ANKRD11: variants seen among roughly 807,000 people sequenced by gnomAD.
ANKRD11 encodes ankyrin repeat domain-containing protein 11.
Under a neutral mutation model 195.7 loss-of-function variants are expected in ANKRD11, and 17 were observed. The observed-to-expected ratio is 0.09, with a 90% CI of 0.06 to 0.13. The LOEUF (loss-of-function observed/expected upper bound fraction) is 0.13. Among genes scored for constraint, ANKRD11 ranks in the 10% least tolerant of loss-of-function variants. The probability of loss-of-function intolerance (pLI) is 1.00; values close to 1 mark genes in which losing one functional copy is unlikely to be tolerated. For synonymous variants in ANKRD11, 1,953 were observed against 1,528.1 expected (o/e 1.28, Z -6.49); for missense variants, 3,735 against 3,566.1 (o/e 1.05, Z -1.21).
intron 9 of ANKRD11, chr16:89,278,440 C>G (rs946571707): frequency 1.6e-5 from 7 of 438,038 alleles, no homozygotes; most frequent in South Asian, 9.8e-5. Flanking sequence ...CCAGACGTAG[C>G]GCAAGGAGCT....
chr16:89,270,197 C>T (rs2033013439), intron 12 of ANKRD11: 1 of 170,104 alleles, frequency 5.9e-6, no homozygotes, highest in African/African-American at 2.5e-5. Context: ...CAGCACCTTT[C>T]TGAGAGCTGC....
At chr16:89,355,284 C>T (rs1319512514) in intron 2 of ANKRD11, among the ~76,000 whole-genome samples, 2 of 151,374 alleles carry the variant, frequency 1.3e-5, no homozygotes, top group African/African-American at 2.4e-5. Flanking sequence ...GGCTCACACC[C>T]TGAGGCTCGG....
chr16:89,417,149 T>A (rs1044455373), intron 2 of ANKRD11, among the ~76,000 whole-genome samples: 2 of 152,226 alleles, frequency 1.3e-5, no homozygotes, highest in Non-Finnish European at 2.9e-5. Flanking sequence ...TTCAGTCATA[T>A]GAAAGAAAGC....
intron 2 of ANKRD11, among the ~76,000 whole-genome samples, chr16:89,362,767 G>C (rs143235816): frequency 6.6e-6 from 1 of 152,140 alleles, no homozygotes; most frequent in Non-Finnish European, 1.5e-5. Flanking sequence ...CAAGCATTAG[G>C]TCACGGCCTG....
At chr16:89,401,312 C>T (rs2041677050) in intron 2 of ANKRD11, among the ~76,000 whole-genome samples, 1 of 152,152 alleles carries the variant, frequency 6.6e-6, no homozygotes, top group Admixed American at 6.5e-5. Flanking sequence ...CTCCTGACCT[C>T]GTGATCCACC....
chr16:89,377,339 G>A (rs1327276378), intron 2 of ANKRD11, among the ~76,000 whole-genome samples: 1 of 152,154 alleles, frequency 6.6e-6, no homozygotes, highest in Non-Finnish European at 1.5e-5. Flanking sequence ...TTGTTATAGA[G>A]AAAGCCATGA....
chr16:89,422,370 T>A (rs189194719), intron 1 of ANKRD11: 98 of 151,922 alleles, frequency 6.5e-4, no homozygotes, highest in African/African-American at 2.1e-3. Flanking sequence ...AAAGCAATTT[T>A]AAAAAAAAGG....
intron 2 of ANKRD11, among the ~76,000 whole-genome samples, chr16:89,330,465 C>T (rs1010637187): frequency 1.3e-5 from 2 of 152,114 alleles, no homozygotes; most frequent in African/African-American, 4.8e-5. Flanking sequence ...TGCACAGACA[C>T]GGCTGCGGAT....
chr16:89,268,367 G>T lies in ANKRD11; in HGVS notation c.*111C>A. The T allele has an allele frequency of 1.8e-6, 1 of 544,776 alleles. No individual in the cohort carries two copies. The highest frequency in any genetic ancestry group is 3.2e-6 in the Non-Finnish European group (1 of 313,192). The allele number at this position is 544,776 out of a possible 1,614,324, so 33.7% of individuals were successfully genotyped here. ...GTGGCCAAGTGCAGTCTCTCTCGGGGTCTCTCCCCGCCCGGGTGGACAGGG... is the reference window on the plus strand; with the variant it reads ...GTGGCCAAGTGCAGTCTCTCTCGGGTTCTCTCCCCGCCCGGGTGGACAGGG... On this transcript the variant is annotated 3_prime_UTR_variant, in exon 13 of 13. Transcript: ENST00000301030.
chr16:89,281,923 T>G lies in ANKRD11; in HGVS notation c.4619A>C (p.Lys1540Thr), dbSNP rs145415643. ...LKEKFKDGAE[K>T]EKGDPVKMSN... Reference sequence around the variant, plus strand: ...CATCTTCACTGGGTCGCCCTTTTCTTTCTCTGCACCGTCCTTGAATTTCTC... The same window carrying G: ...CATCTTCACTGGGTCGCCCTTTTCTGTCTCTGCACCGTCCTTGAATTTCTC... The change falls in exon 9 of 13, where the codon AAA becomes ACA. Residue 1540 changes from lysine (K) to threonine (T), a missense_variant. Coordinates refer to ENST00000301030, the MANE Select transcript of ANKRD11 (RefSeq NM_013275.6). This position sits in a 1 kb window ranked among gnomAD's most constrained non-coding sequence, Gnocchi z 5.5. 1 of 1,613,320 alleles carries G rather than the reference T, an allele frequency of 6.2e-7. No individual in the cohort carries two copies. The highest frequency in any genetic ancestry group is 8.5e-7 in the Non-Finnish European group (1 of 1,180,042).
intron 2 of ANKRD11, among the ~76,000 whole-genome samples, chr16:89,388,984 G>A (rs2041053847): frequency 6.6e-6 from 1 of 152,202 alleles, no homozygotes; most frequent in Non-Finnish European, 1.5e-5. Context: ...CACATAATGA[G>A]GTAAAATTCA....
intron 2 of ANKRD11, among the ~76,000 whole-genome samples, chr16:89,377,202 G>C (rs1199674276): frequency 6.6e-6 from 1 of 152,260 alleles, no homozygotes; most frequent in South Asian, 2.1e-4. Context: ...TCAGCCTCTA[G>C]ATCGGGGTCA....
intron 2 of ANKRD11, among the ~76,000 whole-genome samples, chr16:89,367,057 G>C (rs2039978003): frequency 6.6e-6 from 1 of 152,156 alleles, no homozygotes; most frequent in Non-Finnish European, 1.5e-5. Flanking sequence ...CCTTCTGCTA[G>C]GACGACCTCT....
At chr16:89,309,118 G>A (rs529278483) in intron 3 of ANKRD11, among the ~76,000 whole-genome samples, 30 of 152,192 alleles carry the variant, frequency 2.0e-4, no homozygotes, top group Non-Finnish European at 3.8e-4. Context: ...GCCACCACAC[G>A]CCCAACCACA....
At chr16:89,452,141 C>T (rs2044105457) in intron 1 of ANKRD11, among the ~76,000 whole-genome samples, 1 of 152,142 alleles carries the variant, frequency 6.6e-6, no homozygotes, top group African/African-American at 2.4e-5. Flanking sequence ...GCCTATAATC[C>T]CAGCTACTCG....
intron 1 of ANKRD11, among the ~76,000 whole-genome samples, chr16:89,438,817 G>T (rs1406695218): frequency 6.6e-6 from 1 of 152,036 alleles, no homozygotes; most frequent in East Asian, 1.9e-4. Flanking sequence ...GCCAACCAGA[G>T]CAACATGTGA....
chr16:89,283,433 T>G lies in ANKRD11; in HGVS notation c.3109A>C (p.Lys1037Gln). The part of the protein sequence containing the change: ...RYKEKSSDKD[K>Q]SEKSILEKCQ... ...TTTTCCAGGATTGATTTCTCACTTT[T>G]GTCCTTGTCACTGGATTTCTCTTTG... The change falls in exon 9 of 13, where the codon AAA (lysine) becomes CAA (glutamine). Residue 1037 changes from lysine (K) to glutamine (Q), a missense_variant. Physicochemically the swap from Lys to Gln is moderately conservative, Grantham distance 53. Transcript: ENST00000301030. The surrounding 1 kb of genome is among the most constrained non-coding windows in gnomAD (Gnocchi z 4.3). 6.2e-7 allele frequency: 1 copy of G among 1,614,224 alleles called. No homozygotes were observed. Among genetic ancestry groups the G allele is most frequent in the South Asian group, 1.1e-5 (1 of 91,092 alleles).
intron 2 of ANKRD11, among the ~76,000 whole-genome samples, chr16:89,401,891 A>G (rs931386418): frequency 4.1e-5 from 6 of 146,526 alleles, no homozygotes; most frequent in African/African-American, 1.2e-4. Context: ...CGGGCACACC[A>G]GAGACTCCCC....
chr16:89,321,863 C>T (rs929927678), intron 2 of ANKRD11, among the ~76,000 whole-genome samples: 1 of 152,166 alleles, frequency 6.6e-6, no homozygotes, highest in Admixed American at 6.5e-5. Context: ...CAGCAAGACC[C>T]ATCTCTCCTC....
Sources: allele counts gnomAD v4.1 joint callset (sites outside exome capture counted in the v4.1 genomes callset), GRCh38; gene constraint gnomAD v4.1.1; non-coding constraint Gnocchi (gnomAD v3.1); transcripts MANE v1.5; gene names NCBI Gene and HGNC (gene_info 2026-07-23, HGNC 2026-07-21).